PCDHGA5: variants seen among roughly 807,000 people sequenced by gnomAD.
PCDHGA5 encodes protocadherin gamma subfamily A, 5, also known as protocadherin gamma-A5.
In PCDHGA5, 36 loss-of-function variants were observed where a neutral mutation model predicts 56.7. The observed-to-expected ratio is 0.64, with a 90% CI of 0.49 to 0.84. PCDHGA5 has a LOEUF of 0.84. PCDHGA5 is among the 40% of genes least tolerant of loss of function. The pLI is 0.00. For missense variants in PCDHGA5, 1,305 were observed against 1,201.5 expected (o/e 1.09, Z -1.27); for synonymous variants, 563 against 520.2 (o/e 1.08, Z -1.12).
chr5:141,429,528 A>T (rs1405050386), intron 1 of PCDHGA5, among the ~76,000 whole-genome samples: 1 of 152,166 alleles, frequency 6.6e-6, no homozygotes, highest in African/African-American at 2.4e-5. Context: ...AAAAAAGCTT[A>T]AAAAAATAAG....
chr5:141,399,309 C>CA (rs1033550021), intron 1 of PCDHGA5: 6 of 1,613,784 alleles, frequency 3.7e-6, no homozygotes, highest in African/African-American at 1.3e-5. Context: ...TCTCTTCATC[C>CA]AAAAATTCGT....
At chr5:141,383,916 T>C (rs1368497890) in intron 1 of PCDHGA5, 1 of 1,613,968 alleles carries the variant, frequency 6.2e-7, no homozygotes, top group Non-Finnish European at 8.5e-7. Flanking sequence ...CAGTTTTAGA[T>C]GTAAATGATA....
chr5:141,479,928 C>T (rs1309777916), intron 1 of PCDHGA5, among the ~76,000 whole-genome samples: 1 of 152,222 alleles, frequency 6.6e-6, no homozygotes, highest in African/African-American at 2.4e-5. Flanking sequence ...CTCAGTGCAT[C>T]ATTGCTATCA....
intron 1 of PCDHGA5, chr5:141,410,392 T>C: frequency 6.2e-7 from 1 of 1,614,050 alleles, no homozygotes; most frequent in African/African-American, 1.3e-5. Flanking sequence ...TCCATCCTGG[T>C]CTCTGTGTCA....
chr5:141,366,481 G>A lies in PCDHGA5; in HGVS notation c.2151G>A (p.Arg717=), dbSNP rs1055854699. Residue 717 remains arginine, a synonymous_variant, in exon 1 of 4, where the codon AGG becomes AGA. Coordinates refer to ENST00000518069, the MANE Select transcript of PCDHGA5 (RefSeq NM_018918.3). Reference sequence around the variant, plus strand: ...TCGTGCTGCTGGTGCTCAGACTGAGGCGCTGGCACAAGTCACGCCTGCTTC... The same window carrying A: ...TCGTGCTGCTGGTGCTCAGACTGAGACGCTGGCACAAGTCACGCCTGCTTC... ...FVIVLLVLRL[R]RWHKSRLLQA... 23 of 1,614,260 alleles carry A rather than the reference G, an allele frequency of 1.4e-5. No homozygotes were observed. The highest frequency in any genetic ancestry group is 1.9e-5 in the Non-Finnish European group (23 of 1,180,058).
intron 1 of PCDHGA5, chr5:141,403,621 C>T: frequency 6.2e-7 from 1 of 1,613,926 alleles, no homozygotes; most frequent in Non-Finnish European, 8.5e-7. Flanking sequence ...CGCGTCGCTC[C>T]AGCACAGTGC....
intron 1 of PCDHGA5, chr5:141,403,457 A>G: frequency 6.2e-7 from 1 of 1,613,982 alleles, no homozygotes; most frequent in Non-Finnish European, 8.5e-7. Context: ...CTCCCTCCAG[A>G]GCTACCAGCT....
chr5:141,385,200 C>G (rs776177043), intron 1 of PCDHGA5: 4 of 1,614,214 alleles, frequency 2.5e-6, no homozygotes, highest in Middle Eastern at 3.3e-4. Flanking sequence ...GGAAGAGTCA[C>G]CTGATCTTCC....
chr5:141,381,823 CTTCTTT>C (rs1777514301), intron 1 of PCDHGA5, among the ~76,000 whole-genome samples: 1 of 101,610 alleles, frequency 9.8e-6, no homozygotes, highest in African/African-American at 4.3e-5. Flanking sequence ...TTTCTTTCTT[CTTCTTT>C]TTTTTTTTTT....
rs780380650 is a variant in PCDHGA5 at position 141,432,715 on chromosome 5, C to G, written c.2422-62092C>G. 2.5e-6 allele frequency: 4 copies of G among 1,613,996 alleles called. No homozygotes were observed. Among genetic ancestry groups the G allele is most frequent in the Non-Finnish European group, 3.4e-6 (4 of 1,179,970 alleles). On this transcript the variant is annotated intron_variant, in intron 1 of 3. Transcript: ENST00000518069. The surrounding 1 kb of genome is among the most constrained non-coding windows in gnomAD (Gnocchi z 6.0). ...TGGCCGTCCAGGACCACGGCCAGCC[C>G]CCTCTCTCCGCCACTGTCACGCTCA... is the stretch of plus-strand genomic sequence containing the variant.
chr5:141,438,586 A>G (rs949534736), intron 1 of PCDHGA5, among the ~76,000 whole-genome samples: 2 of 56,254 alleles, frequency 3.6e-5, no homozygotes, highest in South Asian at 6.2e-4. Context: ...ATACATACAT[A>G]CATACATATA....
chr5:141,501,296 C>T (rs4912760), intron 2 of PCDHGA5, among the ~76,000 whole-genome samples: 1,659 of 80,026 alleles, frequency 0.021, 16 homozygotes, highest in African/African-American at 0.042. Flanking sequence ...CTTATACACA[C>T]ACACACACAC....
chr5:141,405,330 T>A, intron 1 of PCDHGA5: 1 of 1,614,206 alleles, frequency 6.2e-7, no homozygotes. Flanking sequence ...CCTTTGTGCG[T>A]CTCTGTTGAT....
chr5:141,384,450 G>T (rs756281053), intron 1 of PCDHGA5: 1 of 1,614,042 alleles, frequency 6.2e-7, no homozygotes, highest in South Asian at 1.1e-5. Context: ...TGTACGCGCT[G>T]CAATCCTTTG....
At chr5:141,413,462 G>A (rs750915907) in intron 1 of PCDHGA5, 4 of 1,614,120 alleles carry the variant, frequency 2.5e-6, no homozygotes, top group East Asian at 2.2e-5. Flanking sequence ...AGGATAGACC[G>A]GGAGGAGCTC....
rs777990962 is a variant in PCDHGA5, at chr5:141,431,580, A to T, written c.2422-63227A>T. ...GCTACCGACCCTGACGAAGGAGTCA[A>T]TGCGGAAGTGAGGTATTCCTTCCGG... is the stretch of plus-strand genomic sequence containing the variant. On this transcript the variant is annotated intron_variant, in intron 1 of 3. Coordinates refer to ENST00000518069, the MANE Select transcript of PCDHGA5 (RefSeq NM_018918.3). The surrounding 1 kb of genome is among the most constrained non-coding windows in gnomAD (Gnocchi z 4.8). The T allele has an allele frequency of 6.2e-7, 1 of 1,614,216 alleles. No individual in the cohort carries two copies.
At chr5:141,383,164 A>G (rs1778887278) in intron 1 of PCDHGA5, 1 of 1,614,016 alleles carries the variant, frequency 6.2e-7, no homozygotes, top group Non-Finnish European at 8.5e-7. Context: ...CACTGCGGGC[A>G]GGATAGACCG....
chr5:141,375,174 C>A (rs765614006), intron 1 of PCDHGA5: 3 of 1,614,006 alleles, frequency 1.9e-6, no homozygotes, highest in Non-Finnish European at 2.5e-6. Context: ...CCTCCAGGAA[C>A]AGTAATCGCC....
At chr5:141,404,602 G>C (rs749746083) in intron 1 of PCDHGA5, 2 of 1,614,076 alleles carry the variant, frequency 1.2e-6, no homozygotes, top group Admixed American at 1.7e-5. Flanking sequence ...CATTGAGACT[G>C]TTTGTTTTGG....
Sources: allele counts gnomAD v4.1 joint callset (sites outside exome capture counted in the v4.1 genomes callset), GRCh38; gene constraint gnomAD v4.1.1; non-coding constraint Gnocchi (gnomAD v3.1); transcripts MANE v1.5; gene names NCBI Gene and HGNC (gene_info 2026-07-23, HGNC 2026-07-21).